DTYMK: variants seen among roughly 807,000 people sequenced by gnomAD.
DTYMK encodes deoxythymidylate kinase, also known as thymidylate kinase.
A neutral mutation model predicts 20.3 loss-of-function variants in DTYMK; 20 were observed. The ratio of observed to expected loss-of-function variants is 0.99; its 90% CI spans 0.69 to 1.43. The LOEUF (loss-of-function observed/expected upper bound fraction) is 1.43, where lower values mean the gene tolerates loss of function less well. Ranked by LOEUF, DTYMK falls within the 40% of genes most tolerant of loss-of-function variation. The pLI, the probability that DTYMK is intolerant of heterozygous loss-of-function variation, is 0.00. For synonymous variants in DTYMK, 148 were observed against 124.4 expected, an observed-to-expected ratio of 1.19 and a Z score of -1.27; for missense variants, 320 against 291.1, an observed-to-expected ratio of 1.10 and a Z score of -0.72.
intron 2 of DTYMK, 97 bp downstream of exon 2, chr2:241,685,672 A>T: frequency 1.5e-6 from 2 of 1,291,076 alleles, no homozygotes; most frequent in Non-Finnish European, 2.2e-6. Flanking sequence ...GCCCAGCACT[A>T]CTGTCACTGT....
Position 241,678,720 on chromosome 2 carries a change from G to C in DTYMK, c.331-71C>G, listed in dbSNP as rs1407425108. 7 of 1,545,950 alleles carry C rather than the reference G, an allele frequency of 4.5e-6. No individual in the cohort carries two copies. In the Admixed American group the frequency reaches 7.8e-5, roughly 17 times the overall value. On this transcript the variant is annotated intron_variant, in intron 3 of 4. Coordinates refer to ENST00000305784, the MANE Select transcript of DTYMK (RefSeq NM_012145.4). The stretch of plus-strand genomic sequence containing the variant: ...TTTTGTTTCGAAAGTCGTAAAAACA[G>C]GAAAAAATGAGGGGACATTTGGTGA...
At chr2:241,679,677 T>C (rs1441913960) in intron 3 of DTYMK, among the ~76,000 whole-genome samples, 2 of 151,202 alleles carry the variant, frequency 1.3e-5, no homozygotes, top group Non-Finnish European at 2.9e-5. Context: ...TCTTTGAAAA[T>C]GCATCTGGAG....
chr2:241,680,156 C>T (rs2069206689), intron 3 of DTYMK, 73 bp downstream of exon 3: 15 of 1,388,892 alleles, frequency 1.1e-5, no homozygotes, highest in South Asian at 3.5e-5. Flanking sequence ...GCATGTCACT[C>T]GTACTCGCAT....
At chr2:241,681,971 G>C (rs958708842) in intron 2 of DTYMK, 7 of 277,544 alleles carry the variant, frequency 2.5e-5, no homozygotes, top group Non-Finnish European at 5.0e-5. Flanking sequence ...TTGAACCCAG[G>C]AGTTTAAGGC....
chr2:241,676,705 C>T (rs988000029), intron 4 of DTYMK, among the ~76,000 whole-genome samples: 2 of 152,270 alleles, frequency 1.3e-5, no homozygotes, highest in East Asian at 1.9e-4. Flanking sequence ...ACCTCAGCCT[C>T]GTGACCCCAA....
Position 241,676,045 on chromosome 2 carries a change from T to G in DTYMK, c.*82A>C. ...GCTCCTGAAGTTGTGGGGTCTGGAC[T>G]CTGCTGGGGACGGGGCCTTCCGCGA... On this transcript the variant is annotated 3_prime_UTR_variant, in exon 5 of 5. Coordinates refer to ENST00000305784, the MANE Select transcript of DTYMK (RefSeq NM_012145.4). 1 of 1,320,888 alleles carries G rather than the reference T, an allele frequency of 7.6e-7. No homozygotes were observed. The highest frequency in any genetic ancestry group is 1.0e-6 in the Non-Finnish European group (1 of 974,998). 81.8% of individuals were successfully genotyped at this position (1,320,888 alleles called of 1,614,324 possible).
intron 2 of DTYMK, among the ~76,000 whole-genome samples, chr2:241,684,325 T>C (rs1287460009): frequency 6.6e-6 from 1 of 152,220 alleles, no homozygotes; most frequent in Non-Finnish European, 1.5e-5. Flanking sequence ...CCATAAATTC[T>C]AGATGTGTTA....
rs144970853 is a variant in DTYMK, at chr2:241,680,811, C to G, written c.240-492G>C. 1.1e-3 allele frequency among the ~76,000 whole-genome samples: 168 copies of G among 152,340 alleles called. 1 individual carries two copies. In the East Asian group the frequency reaches 0.026, roughly 23 times the overall value. On this transcript the variant is annotated intron_variant, in intron 2 of 4. Transcript: ENST00000305784. ...TCTAGAAGATGCCATACCCACACCT[C>G]CAGCAAAACCCAACATGGAGAAGAT...
intron 2 of DTYMK, among the ~76,000 whole-genome samples, chr2:241,684,314 T>G (rs971799189): frequency 2.0e-5 from 3 of 152,210 alleles, no homozygotes; most frequent in African/African-American, 7.2e-5. Flanking sequence ...AACAATTGCC[T>G]CCATAAATTC....
Position 241,681,484 on chromosome 2 carries a change from G to A in DTYMK, c.240-1165C>T, listed in dbSNP as rs909454608. ...GCAGGAGGATTGCTTGAGCCCAGGA[G>A]CTCGAGACCTGCCTGGGCAATATAG... On this transcript the variant is annotated intron_variant, in intron 2 of 4. Transcript: ENST00000305784. 2.6e-5 allele frequency among the ~76,000 whole-genome samples: 4 copies of A among 152,286 alleles called. No homozygotes were observed. In the East Asian group the frequency reaches 7.7e-4, roughly 29 times the overall value.
intron 2 of DTYMK, among the ~76,000 whole-genome samples, chr2:241,680,952 C>T (rs77465664): frequency 6.6e-6 from 1 of 152,146 alleles, no homozygotes; most frequent in Non-Finnish European, 1.5e-5. Flanking sequence ...TCTACCCTGT[C>T]GAGGAAGAAG....
intron 4 of DTYMK, 112 bp downstream of exon 4, chr2:241,678,340 G>A: frequency 2.7e-6 from 4 of 1,460,796 alleles, no homozygotes; most frequent in Non-Finnish European, 3.7e-6. Flanking sequence ...CCACATCTGG[G>A]AGGACCAGAC....
At chr2:241,682,054 T>C (rs1411496554) in intron 2 of DTYMK, 1 of 313,414 alleles carries the variant, frequency 3.2e-6, no homozygotes, top group East Asian at 1.1e-4. Flanking sequence ...TAAAAAAAAA[T>C]AAGGCCAGGC....
At chr2:241,685,660 A>G in intron 2 of DTYMK, 109 bp downstream of exon 2, 1 of 1,176,810 alleles carries the variant, frequency 8.5e-7, no homozygotes, top group Non-Finnish European at 1.2e-6. Context: ...GAAGAACATC[A>G]GGCCCAGCAC....
chr2:241,678,047 G>A (rs1369423880), intron 4 of DTYMK, among the ~76,000 whole-genome samples: 10 of 152,196 alleles, frequency 6.6e-5, no homozygotes, highest in Non-Finnish European at 1.3e-4. Flanking sequence ...AGGCCGAGGT[G>A]GGCAGATCAC....
chr2:241,677,931 A>G (rs1362182301), intron 4 of DTYMK, among the ~76,000 whole-genome samples: 1 of 152,228 alleles, frequency 6.6e-6, no homozygotes, highest in East Asian at 1.9e-4. Context: ...CACCTGACCC[A>G]CCAGACAAAG....
At chr2:241,686,306 CTTT>C (rs1430889024) in intron 1 of DTYMK, among the ~76,000 whole-genome samples, 1 of 152,352 alleles carries the variant, frequency 6.6e-6, no homozygotes, top group African/African-American at 2.4e-5. Flanking sequence ...CTGGAGGAGA[CTTT>C]TGGGGGAGAC....
chr2:241,680,242 G>A lies in DTYMK; in HGVS notation c.317C>T (p.Thr106Ile), dbSNP rs753492903. 1 of 1,614,176 alleles carries A rather than the reference G, an allele frequency of 6.2e-7. No individual in the cohort carries two copies. Among genetic ancestry groups the A allele is most frequent in the South Asian group, 1.1e-5 (1 of 91,086 alleles). Reference sequence around the variant, plus strand: ...AGTGGCACTCACCTCCTTGGCACCGGTGAAGGCCACACCAGAAAATGCGTA... The same window carrying A: ...AGTGGCACTCACCTCCTTGGCACCGATGAAGGCCACACCAGAAAATGCGTA... Reference protein sequence around the residue: ...DRYAFSGVAFTGAKENFSLDW... With the variant: ...DRYAFSGVAFIGAKENFSLDW... Residue 106 changes from threonine to isoleucine, a missense_variant, in exon 3 of 5, where the codon ACC becomes ATC. Physicochemically the swap from Thr to Ile is moderately conservative, Grantham distance 89. Coordinates refer to ENST00000305784, the MANE Select transcript of DTYMK (RefSeq NM_012145.4).
chr2:241,681,817 T>C (rs1305603696), intron 2 of DTYMK: 1 of 155,454 alleles, frequency 6.4e-6, no homozygotes, highest in Non-Finnish European at 1.4e-5. Context: ...TTTGGCGGGA[T>C]GGATCCCTTG....
Sources: allele counts gnomAD v4.1 joint callset (sites outside exome capture counted in the v4.1 genomes callset), GRCh38; gene constraint gnomAD v4.1.1; transcripts MANE v1.5; gene names NCBI Gene and HGNC (gene_info 2026-07-23, HGNC 2026-07-21).